The following CCBE1 variants were observed in gnomAD, a reference collection of about 807,000 sequenced individuals.
CCBE1 encodes the protein collagen and calcium-binding EGF domain-containing protein 1.
In CCBE1, 37 loss-of-function variants were observed where a neutral mutation model predicts 50.0. The observed-to-expected ratio is 0.74, with a 90% CI of 0.57 to 0.97. CCBE1 has a LOEUF of 0.97. CCBE1 is among the 50% of genes least tolerant of loss of function. The pLI, the probability that CCBE1 is intolerant of heterozygous loss-of-function variation, is 0.00. For synonymous variants in CCBE1, 234 were observed against 203.7 expected (o/e 1.15, Z -1.27); for missense variants, 538 against 523.8 (o/e 1.03, Z -0.26).
At chr18:59,625,367 C>T (rs890578955) in intron 2 of CCBE1, among the ~76,000 whole-genome samples, 10 of 144,654 alleles carry the variant, frequency 6.9e-5, no homozygotes, top group African/African-American at 2.4e-4. Flanking sequence ...GGAGGCGGAG[C>T]TTGCAGTGAG....
chr18:59,471,638 A>G (rs1309957390), intron 3 of CCBE1, among the ~76,000 whole-genome samples: 3 of 152,132 alleles, frequency 2.0e-5, no homozygotes, highest in Admixed American at 2.0e-4. Context: ...AGCTTCAAAC[A>G]CCCACCTTCT....
intron 2 of CCBE1, among the ~76,000 whole-genome samples, chr18:59,657,949 G>C (rs1404667197): frequency 6.6e-6 from 1 of 152,028 alleles, no homozygotes; most frequent in Non-Finnish European, 1.5e-5. Context: ...TTGGTTGTAA[G>C]GAGGCCACAT....
At chr18:59,521,240 A>T (rs1042894494) in intron 2 of CCBE1, among the ~76,000 whole-genome samples, 1 of 152,236 alleles carries the variant, frequency 6.6e-6, no homozygotes, top group African/African-American at 2.4e-5. Flanking sequence ...TTACACCCAT[A>T]AAAATCCCCC....
At chr18:59,546,258 C>T (rs1915677907) in intron 2 of CCBE1, among the ~76,000 whole-genome samples, 1 of 152,212 alleles carries the variant, frequency 6.6e-6, no homozygotes, top group African/African-American at 2.4e-5. Flanking sequence ...GAGTCATCCC[C>T]ATTTCATCAA....
rs58990467 is a variant in CCBE1 at position 59,459,276 on chromosome 18, T to C, written c.554-4325A>G. 3.5e-3 allele frequency among the ~76,000 whole-genome samples: 531 copies of C among 152,324 alleles called. 5 individuals are homozygous for C. The highest frequency in any genetic ancestry group is 0.012 in the African/African-American group (508 of 41,570). ...TAAAGATAAACAAGGACTCATACCT[T>C]TTGTATATGTAGACCTGGAACATAA... On this transcript the variant is annotated intron_variant, in intron 5 of 10. Coordinates refer to ENST00000439986, the MANE Select transcript of CCBE1 (RefSeq NM_133459.4).
At chr18:59,529,384 G>A (rs1180746868) in intron 2 of CCBE1, among the ~76,000 whole-genome samples, 2 of 152,172 alleles carry the variant, frequency 1.3e-5, no homozygotes, top group Non-Finnish European at 2.9e-5. Context: ...CAATTATGAT[G>A]GCCACCTCTC....
At chr18:59,600,087 T>A (rs540371429) in intron 2 of CCBE1, among the ~76,000 whole-genome samples, 1 of 152,254 alleles carries the variant, frequency 6.6e-6, no homozygotes, top group East Asian at 1.9e-4. Context: ...AAATATTAGA[T>A]ATTTTTGTTC....
At chr18:59,493,421 A>G (rs1467487288) in intron 2 of CCBE1, among the ~76,000 whole-genome samples, 1 of 152,228 alleles carries the variant, frequency 6.6e-6, no homozygotes, top group East Asian at 1.9e-4. Context: ...ACAGTGACCC[A>G]ATATCACAGT....
intron 2 of CCBE1, among the ~76,000 whole-genome samples, chr18:59,689,382 G>A (rs1844774930): frequency 6.6e-6 from 1 of 152,220 alleles, no homozygotes; most frequent in African/African-American, 2.4e-5. Flanking sequence ...GTCATGGTAA[G>A]ATGAACTAGT....
intron 2 of CCBE1, among the ~76,000 whole-genome samples, chr18:59,558,646 A>G (rs2144439619): frequency 6.6e-6 from 1 of 152,308 alleles, no homozygotes; most frequent in Admixed American, 6.5e-5. Context: ...ATATGGTTTG[A>G]CATGGCGGGC....
chr18:59,689,251 A>G (rs2054697913), intron 2 of CCBE1, among the ~76,000 whole-genome samples: 1 of 152,162 alleles, frequency 6.6e-6, no homozygotes, highest in Admixed American at 6.5e-5. Context: ...CGTCCCTGTC[A>G]TTCCCAGAGG....
At chr18:59,608,184 T>C (rs976254766) in intron 2 of CCBE1, among the ~76,000 whole-genome samples, 4 of 152,248 alleles carry the variant, frequency 2.6e-5, no homozygotes, top group Non-Finnish European at 5.9e-5. Flanking sequence ...TGGGGTTATT[T>C]TGAAAATTAA....
At chr18:59,463,616 G>C (rs1273285053) in intron 5 of CCBE1, among the ~76,000 whole-genome samples, 1 of 152,140 alleles carries the variant, frequency 6.6e-6, no homozygotes, top group Non-Finnish European at 1.5e-5. Context: ...GTCATTGCTA[G>C]TGATGGTTGG....
rs544719891 is a variant in CCBE1 at position 59,692,554 on chromosome 18, C to G, written c.212+4075G>C. Among the ~76,000 whole-genome samples the G allele has an allele frequency of 2.0e-5, 3 of 152,274 alleles. 1 individual carries two copies. The South Asian group carries it at 6.2e-4, about 32-fold the overall frequency. ...TATACAGTCTTTCCTCAAATGTGTC[C>G]TTACCTAGAGCCCAATGCTATCAAT... On this transcript the variant is annotated intron_variant, in intron 2 of 10. Coordinates refer to ENST00000439986, the MANE Select transcript of CCBE1 (RefSeq NM_133459.4).
At chr18:59,457,794 CT>C (rs889629681) in intron 5 of CCBE1, among the ~76,000 whole-genome samples, 6 of 152,200 alleles carry the variant, frequency 3.9e-5, no homozygotes, top group Admixed American at 2.0e-4. Context: ...TTTTTTACCC[CT>C]GTTCAATGTA....
intron 2 of CCBE1, among the ~76,000 whole-genome samples, chr18:59,681,909 TTACTC>T (rs1305349575): frequency 1.3e-5 from 2 of 152,186 alleles, no homozygotes; most frequent in East Asian, 3.9e-4. Flanking sequence ...GCGCTTCTGT[TTACTC>T]TGCTCTCTGT....
chr18:59,460,964 TAAATAATAA>T (rs1170491844), intron 5 of CCBE1, among the ~76,000 whole-genome samples: 4 of 147,870 alleles, frequency 2.7e-5, no homozygotes, highest in African/African-American at 9.8e-5. Context: ...AATAAATAAA[TAAATAATAA>T]AATAAAAATA....
intron 2 of CCBE1, among the ~76,000 whole-genome samples, chr18:59,683,136 G>A (rs568415080): frequency 2.0e-5 from 3 of 152,174 alleles, no homozygotes; most frequent in Non-Finnish European, 4.4e-5. Context: ...TTTCTTTTGG[G>A]ATCCAAACCC....
At chr18:59,632,510 G>A (rs1318793122) in intron 2 of CCBE1, among the ~76,000 whole-genome samples, 2 of 152,154 alleles carry the variant, frequency 1.3e-5, no homozygotes, top group African/African-American at 2.4e-5. Context: ...GTGGCCTCAG[G>A]TCATCTACCT....
Sources: gnomAD v4.1 joint callset for allele counts (sites outside exome capture counted in the v4.1 genomes callset) on GRCh38, gnomAD v4.1.1 for gene constraint, MANE v1.5 for transcripts, NCBI Gene and HGNC (gene_info 2026-07-23, HGNC 2026-07-21) for gene names.